Variants in PHF2 observed in about 807,000 individuals in gnomAD.
PHF2 encodes PHD finger protein 2.
PHF2 carries 27 observed loss-of-function variants against 120.5 expected under a neutral mutation model. That is an observed-to-expected ratio of 0.22 (90% CI 0.17 to 0.31). The LOEUF is 0.31. PHF2 is among the 10% of genes least tolerant of loss of function. PHF2 has a pLI of 1.00. For missense variants in PHF2, 1,024 were observed against 1,434.8 expected (o/e 0.71, Z 4.63); for synonymous variants, 568 against 592.5 (o/e 0.96, Z 0.60).
chr9:93,588,385 C>T (rs1402026201), intron 1 of PHF2, among the ~76,000 whole-genome samples: 2 of 152,182 alleles, frequency 1.3e-5, no homozygotes, highest in African/African-American at 4.8e-5. Flanking sequence ...CCGTTCTAGC[C>T]TGGGGGCTGT....
At chr9:93,660,996 G>A (rs571209401) in intron 12 of PHF2, among the ~76,000 whole-genome samples, 1 of 151,180 alleles carries the variant, frequency 6.6e-6, no homozygotes, top group African/African-American at 2.4e-5. Flanking sequence ...GAAGCCCTGG[G>A]TCCTCCCTGG....
chr9:93,645,009 G>A (rs1826230829), intron 3 of PHF2, among the ~76,000 whole-genome samples: 1 of 152,174 alleles, frequency 6.6e-6, no homozygotes, highest in East Asian at 1.9e-4. Flanking sequence ...CCAGCCAGGG[G>A]CCTCCTCCTG....
intron 4 of PHF2, among the ~76,000 whole-genome samples, chr9:93,647,587 TA>T (rs1249098422): frequency 2.0e-5 from 3 of 152,322 alleles, no homozygotes. Flanking sequence ...GTTCTCTTTG[TA>T]GTATTTTAAA....
At chr9:93,600,876 G>T (rs1825427397) in intron 1 of PHF2, among the ~76,000 whole-genome samples, 1 of 152,246 alleles carries the variant, frequency 6.6e-6, no homozygotes, top group Non-Finnish European at 1.5e-5. Flanking sequence ...TGTGTTCAGT[G>T]TGGGGTTGCC....
Position 93,623,412 on chromosome 9 carries a change from C to T in PHF2, c.99-6558C>T, listed in dbSNP as rs183574455. The stretch of plus-strand genomic sequence containing the variant: ...GTGGCACTGTAGTGAGTGCACGTGA[C>T]GTTTTCTAGCCCTGTCCTGCCCTCC... On this transcript the variant is annotated intron_variant, in intron 1 of 21. Transcript: ENST00000359246. Among the ~76,000 whole-genome samples the T allele has an allele frequency of 4.4e-3, 669 of 152,288 alleles. 7 individuals are homozygous for T. The highest frequency in any genetic ancestry group is 0.015 in the African/African-American group (609 of 41,564).
intron 1 of PHF2, among the ~76,000 whole-genome samples, chr9:93,596,236 G>A (rs80069215): frequency 0.023 from 3,500 of 152,172 alleles, 67 homozygotes; most frequent in Middle Eastern, 0.038. Flanking sequence ...GACCCCCTGT[G>A]CCCACGAGTG....
At chr9:93,588,527 CAG>C (rs1863105438) in intron 1 of PHF2, among the ~76,000 whole-genome samples, 1 of 152,198 alleles carries the variant, frequency 6.6e-6, no homozygotes, top group Non-Finnish European at 1.5e-5. Context: ...CTGTGGGACT[CAG>C]AGGATGAGCC....
chr9:93,613,718 A>G (rs145499089), intron 1 of PHF2, among the ~76,000 whole-genome samples: 6 of 152,010 alleles, frequency 3.9e-5, no homozygotes, highest in African/African-American at 1.4e-4. Flanking sequence ...ATTTACAGGC[A>G]TGTGCTACCA....
Position 93,658,246 on chromosome 9 carries a change from A to G in PHF2, c.1239+10A>G, listed in dbSNP as rs369924645. ...GTGGACGAAGAAGCAGGTAGGAATCATGTCACAAATGCCCTAGGGCAGGAG... is the reference window on the plus strand; with the variant it reads ...GTGGACGAAGAAGCAGGTAGGAATCGTGTCACAAATGCCCTAGGGCAGGAG... On this transcript the variant is annotated intron_variant, in intron 10 of 21. Transcript: ENST00000359246. The G allele has an allele frequency of 2.5e-5, 40 of 1,602,144 alleles. No individual in the cohort carries two copies. Among genetic ancestry groups the G allele is most frequent in the Non-Finnish European group, 3.3e-5 (39 of 1,172,520 alleles).
rs914633026 is a variant in PHF2 at position 93,676,754 on chromosome 9, C to T, written c.2993C>T (p.Thr998Met). Residue 998 changes from threonine (T) to methionine (M), a missense_variant, in exon 21 of 22, where the codon ACG becomes ATG. Coordinates refer to ENST00000359246, the MANE Select transcript of PHF2 (RefSeq NM_005392.4). ...TCCACCACCCCGGCCTCCACCAGCA[C>T]GGCCAGCAGCCAGGCCTCGCAGGAG... ...PASTTPASTS[T>M]ASSQASQEGS... The T allele has an allele frequency of 6.4e-6, 10 of 1,553,406 alleles. No homozygotes were observed. The highest frequency in any genetic ancestry group is 8.7e-6 in the Non-Finnish European group (10 of 1,148,596).
chr9:93,667,352 C>T (rs1826702054), intron 17 of PHF2, 112 bp downstream of exon 17: 1 of 1,306,028 alleles, frequency 7.7e-7, no homozygotes, highest in East Asian at 2.6e-5. Flanking sequence ...GGAGCCAGTG[C>T]TGAGCCGCCC....
intron 13 of PHF2, 71 bp downstream of exon 13, chr9:93,663,097 G>A: frequency 6.3e-7 from 1 of 1,589,466 alleles, no homozygotes; most frequent in East Asian, 2.3e-5. Flanking sequence ...GTGAATCTGT[G>A]AGGCCCTGTG....
At chr9:93,585,884 G>A (rs953005515) in intron 1 of PHF2, among the ~76,000 whole-genome samples, 2 of 152,242 alleles carry the variant, frequency 1.3e-5, no homozygotes, top group African/African-American at 4.8e-5. Flanking sequence ...CAGGAACGTG[G>A]GGCCTGGTGG....
intron 1 of PHF2, among the ~76,000 whole-genome samples, chr9:93,616,816 C>T (rs1402322316): frequency 6.6e-6 from 1 of 152,108 alleles, no homozygotes; most frequent in Non-Finnish European, 1.5e-5. Flanking sequence ...GCCACTACAC[C>T]TGGCTGATTT....
At chr9:93,607,259 G>A (rs560810255) in intron 1 of PHF2, among the ~76,000 whole-genome samples, 5 of 151,836 alleles carry the variant, frequency 3.3e-5, no homozygotes, top group Non-Finnish European at 7.4e-5. Context: ...TGGGGTTTTT[G>A]TTGTTGTTGT....
chr9:93,648,917 C>T (rs1334753643), intron 4 of PHF2, among the ~76,000 whole-genome samples, 154 bp from the exon 5 acceptor site: 3 of 151,862 alleles, frequency 2.0e-5, no homozygotes, highest in Admixed American at 6.6e-5. Flanking sequence ...AGGTGAAGCT[C>T]GACGTTGGCA....
intron 1 of PHF2, among the ~76,000 whole-genome samples, chr9:93,613,560 C>CTTTTTTTT (rs201420565): frequency 1.5e-5 from 2 of 129,050 alleles, no homozygotes; most frequent in Non-Finnish European, 1.6e-5. Flanking sequence ...TTTTCTTTTT[C>CTTTTTTTT]TTTTTTTTTT....
chr9:93,616,134 GTGTAATA>G (rs1564382292), intron 1 of PHF2, among the ~76,000 whole-genome samples: 1 of 152,172 alleles, frequency 6.6e-6, no homozygotes, highest in Non-Finnish European at 1.5e-5. Flanking sequence ...TTTAATGGCT[GTGTAATA>G]CTCCCATCAC....
intron 1 of PHF2, among the ~76,000 whole-genome samples, chr9:93,604,743 C>G (rs1295836146): frequency 2.0e-5 from 3 of 152,166 alleles, no homozygotes; most frequent in Non-Finnish European, 4.4e-5. Flanking sequence ...GGCCACCGTG[C>G]CTGGCCCAGA....
Sources: allele counts gnomAD v4.1 joint callset (sites outside exome capture counted in the v4.1 genomes callset), GRCh38; gene constraint gnomAD v4.1.1; transcripts MANE v1.5; gene names NCBI Gene and HGNC (gene_info 2026-07-23, HGNC 2026-07-21).